Variants in SEMA6B observed in about 807,000 individuals in gnomAD.
The protein encoded by SEMA6B is semaphorin-6B.
SEMA6B carries 47 observed loss-of-function variants against 78.6 expected under a neutral mutation model. The observed-to-expected ratio is 0.60, with a 90% CI of 0.47 to 0.76. SEMA6B has a LOEUF of 0.76. Ranked by LOEUF, SEMA6B falls within the 30% of genes least tolerant of loss-of-function variation. SEMA6B has a pLI of 0.00. For synonymous variants in SEMA6B, 632 were observed against 592.2 expected (o/e 1.07, Z -0.98); for missense variants, 1,213 against 1,269.9 (o/e 0.96, Z 0.68).
intron 8 of SEMA6B, 56 bp from the exon 9 acceptor site, chr19:4,554,532 G>C (rs184965176): frequency 7.2e-7 from 1 of 1,392,780 alleles, no homozygotes; most frequent in South Asian, 1.2e-5. Flanking sequence ...GGGGTTTCTG[G>C]GGCTAAGAAC....
At position 4,558,024 on chromosome 19, in the gene SEMA6B, AC is replaced by A; in HGVS notation, c.245+1del. On this transcript the variant is annotated splice_donor_variant, in intron 3 of 16. Coordinates refer to ENST00000586582, the MANE Select transcript of SEMA6B (RefSeq NM_032108.4). LOFTEE classifies it high-confidence loss of function. This position sits in a 1 kb window ranked among gnomAD's most constrained non-coding sequence, Gnocchi z 5.1. ...AGGCCTCCTTGCTGTCCCCAGCAATACCTGTCCCCAATGAACAGCGTCCTGT... is the reference window on the plus strand; with the variant it reads ...AGGCCTCCTTGCTGTCCCCAGCAATACTGTCCCCAATGAACAGCGTCCTGT... 7.0e-7 allele frequency: 1 copy of A among 1,436,342 alleles called. No homozygotes were observed. Among genetic ancestry groups the A allele is most frequent in the Non-Finnish European group, 9.3e-7 (1 of 1,079,132 alleles). The allele number at this position is 1,436,342 out of a possible 1,614,324, so 89.0% of individuals were successfully genotyped here.
rs555644326 is a variant in SEMA6B, at chr19:4,548,038, C to A, written c.1590G>T (p.Ser530=). The A allele has an allele frequency of 2.6e-6, 4 of 1,563,880 alleles. No homozygotes were observed. In the East Asian group the frequency reaches 9.1e-5, roughly 35 times the overall value. The change falls in exon 14 of 17, where the codon TCG becomes TCT. Residue 530 remains serine (S), a synonymous_variant. Coordinates refer to ENST00000586582, the MANE Select transcript of SEMA6B (RefSeq NM_032108.4). ...RVPVARCQQY[S]GCMKNCIGSQ... ...GGGTGGACACTCACTTCATACACCC[C>A]GAGTACTGCTGGCAGCGAGCCACAG...
chr19:4,551,108 G>A (rs1418334645), intron 10 of SEMA6B, among the ~76,000 whole-genome samples, 178 bp from the exon 11 acceptor site: 1 of 151,984 alleles, frequency 6.6e-6, no homozygotes, highest in Non-Finnish European at 1.5e-5. Context: ...TAACATCTCA[G>A]ATTGGGCCAC....
Position 4,548,061 on chromosome 19 carries a change from C to T in SEMA6B, c.1567G>A (p.Val523Met). ...CCCGAGTACTGCTGGCAGCGAGCCA[C>T]AGGCACTCGGACCACGCAGCGGGGG... ...AFPRCVVRVP[V>M]ARCQQYSGCM... The change falls in exon 14 of 17, where the codon GTG becomes ATG. Residue 523 changes from valine to methionine, a missense_variant. Coordinates refer to ENST00000586582, the MANE Select transcript of SEMA6B (RefSeq NM_032108.4). The T allele has an allele frequency of 6.3e-7, 1 of 1,585,208 alleles. No individual in the cohort carries two copies. The highest frequency in any genetic ancestry group is 8.5e-7 in the Non-Finnish European group (1 of 1,170,396).
At chr19:4,551,522 A>G (rs1252845657) in intron 10 of SEMA6B, among the ~76,000 whole-genome samples, 1 of 151,454 alleles carries the variant, frequency 6.6e-6, no homozygotes, top group East Asian at 2.0e-4. Flanking sequence ...CCCAGTCCAC[A>G]AGCAGGCTTT....
At chr19:4,546,083 T>C in intron 16 of SEMA6B, 133 bp downstream of exon 16, 1 of 985,822 alleles carries the variant, frequency 1.0e-6, no homozygotes, top group South Asian at 1.7e-5. Context: ...CCCCATGCCT[T>C]TCTAAAGTTC....
At chr19:4,548,235 A>G in intron 13 of SEMA6B, 28 bp downstream of exon 13, 1 of 1,592,584 alleles carries the variant, frequency 6.3e-7, no homozygotes, top group Non-Finnish European at 8.6e-7. Flanking sequence ...CCTGCTGGCG[A>G]CCCCTTCCCA....
Position 4,542,736 on chromosome 19 carries a change from ACT to A in SEMA6B, c.*863_*864del, listed in dbSNP as rs1977047913. 1 of 691,414 alleles carries A rather than the reference ACT, an allele frequency of 1.4e-6. No individual in the cohort carries two copies. Among genetic ancestry groups the A allele is most frequent in the African/African-American group, 1.8e-5 (1 of 56,012 alleles). 42.8% of individuals were successfully genotyped at this position (691,414 alleles called of 1,614,324 possible). A position where few individuals can be genotyped will look rare whatever the true frequency, so the allele number is the denominator to read the frequency against. On this transcript the variant is annotated 3_prime_UTR_variant, in exon 17 of 17. Transcript: ENST00000586582. ...GTCACAAGGGGACGGGTGGCATGGG[ACT>A]CTCTCACCACCCTGGGGCCGTATTT...
Position 4,546,295 on chromosome 19 carries a change from C to T in SEMA6B, c.1680-21G>A, listed in dbSNP as rs144292825. On this transcript the variant is annotated intron_variant, in intron 15 of 16. Transcript: ENST00000586582. Reference sequence around the variant, plus strand: ...CGGCTCTAATGGGGAGAGGAGGCACCGTCAGCAGAGGCCCCTCTCACAGTC... The same window carrying T: ...CGGCTCTAATGGGGAGAGGAGGCACTGTCAGCAGAGGCCCCTCTCACAGTC... 5.6e-4 allele frequency: 901 copies of T among 1,612,434 alleles called. 2 individuals are homozygous for T. The Middle Eastern group carries it at 7.1e-3, about 13-fold the overall frequency.
Position 4,544,511 on chromosome 19 carries a change from A to G in SEMA6B, c.1757T>C (p.Leu586Pro). Residue 586 changes from leucine to proline, a missense_variant, in exon 17 of 17, where the codon CTC becomes CCC. Leu to Pro is a moderately conservative substitution (Grantham distance 98). Transcript: ENST00000586582. This position sits in a 1 kb window ranked among gnomAD's most constrained non-coding sequence, Gnocchi z 5.1. ...CACCAGCCCCGCGCGGTCCTCGGAGAGGCTGGCCCGCAGGAGTCCTGGCCG... is the reference window on the plus strand; with the variant it reads ...CACCAGCCCCGCGCGGTCCTCGGAGGGGCTGGCCCGCAGGAGTCCTGGCCG... ...GDCTGLLRAS[L>P]SEDRAGLVSV... 1 of 1,548,410 alleles carries G rather than the reference A, an allele frequency of 6.5e-7. No homozygotes were observed. Among genetic ancestry groups the G allele is most frequent in the African/African-American group, 1.4e-5 (1 of 70,596 alleles).
rs1977125340 is a variant in SEMA6B, at chr19:4,544,875, G to C, written c.1739-346C>G. 6.6e-6 allele frequency among the ~76,000 whole-genome samples: 1 copy of C among 151,872 alleles called. No homozygotes were observed. Among genetic ancestry groups the C allele is most frequent in the African/African-American group, 2.4e-5 (1 of 41,370 alleles). ...GTCTGAACTCCTGACCTTGTGATCC[G>C]CCCACCTCTGCCTCCCAAAGTGCTG... On this transcript the variant is annotated intron_variant, in intron 16 of 16. Coordinates refer to ENST00000586582, the MANE Select transcript of SEMA6B (RefSeq NM_032108.4). This position sits in a 1 kb window ranked among gnomAD's most constrained non-coding sequence, Gnocchi z 5.1.
intron 14 of SEMA6B, among the ~76,000 whole-genome samples, chr19:4,547,518 C>T (rs1905040092): frequency 1.3e-5 from 2 of 152,190 alleles, no homozygotes; most frequent in African/African-American, 4.8e-5. Flanking sequence ...ACATGGAGTG[C>T]AGGCGTGTGC....
intron 1 of SEMA6B, 68 bp downstream of exon 1, chr19:4,559,462 A>G (rs16992439): frequency 0.057 from 8,674 of 152,234 alleles, 317 homozygotes; most frequent in Middle Eastern, 0.098. Flanking sequence ...GTAATGACAT[A>G]GCAGCGGAAT....
Position 4,542,753 on chromosome 19 carries a change from G to T in SEMA6B, c.*848C>A. ...GGCATGGGACTCTCTCACCACCCTG[G>T]GGCCGTATTTACAGAGGGGCCCCAC... On this transcript the variant is annotated 3_prime_UTR_variant, in exon 17 of 17. Coordinates refer to ENST00000586582, the MANE Select transcript of SEMA6B (RefSeq NM_032108.4). The T allele has an allele frequency of 2.9e-6, 2 of 699,928 alleles. No individual in the cohort carries two copies. The highest frequency in any genetic ancestry group is 5.2e-6 in the Non-Finnish European group (2 of 384,222). 43.4% of individuals were successfully genotyped at this position (699,928 alleles called of 1,614,324 possible).
rs1282300284 is a variant in SEMA6B at position 4,558,430 on chromosome 19, G to A, written c.28C>T (p.Arg10Cys). The A allele has an allele frequency of 8.0e-6, 10 of 1,256,868 alleles. No homozygotes were observed. The highest frequency in any genetic ancestry group is 1.5e-5 in the African/African-American group (1 of 64,754). 77.9% of individuals were successfully genotyped at this position (1,256,868 alleles called of 1,614,324 possible). A position where few individuals can be genotyped will look rare whatever the true frequency, so the allele number is the denominator to read the frequency against. ...AGCAGCAGAAGCAGCAGGGCCGGGC[G>A]GGGAGGGGACGCTCGCGGGGTCTGC... MQTPRASPP[R>C]PALLLLLLLL... The change falls in exon 2 of 17, where the codon CGC becomes TGC. Residue 10 changes from arginine to cysteine, a missense_variant. Physicochemically the swap from Arg to Cys is radical, Grantham distance 180. Transcript: ENST00000586582. The surrounding 1 kb of genome is among the most constrained non-coding windows in gnomAD (Gnocchi z 5.1).
Position 4,556,052 on chromosome 19 carries a change from C to G in SEMA6B, c.407G>C (p.Arg136Pro), listed in dbSNP as rs774484854. Reference sequence around the variant, plus strand: ...GCACACAAAGAGCGTGGACTCGTCCCGAAGGAGCAGCACCTTTACGAAGTT... The same window carrying G: ...GCACACAAAGAGCGTGGACTCGTCCGGAAGGAGCAGCACCTTTACGAAGTT... ...CRNFVKVLLLRDESTLFVCGS... is the reference protein window; with the variant it reads ...CRNFVKVLLLPDESTLFVCGS... Residue 136 changes from arginine to proline, a missense_variant, in exon 6 of 17, where the codon CGG becomes CCG. Physicochemically the swap from Arg to Pro is moderately radical, Grantham distance 103. Transcript: ENST00000586582. The G allele has an allele frequency of 1.2e-6, 2 of 1,613,994 alleles. No homozygotes were observed. Among genetic ancestry groups the G allele is most frequent in the African/African-American group, 2.7e-5 (2 of 74,902 alleles).
In SEMA6B at chr19:4,544,070, C is replaced by A. The variant is rs1303344421; in HGVS notation, c.2198G>T (p.Arg733Leu). 2 of 1,230,490 alleles carry A rather than the reference C, an allele frequency of 1.6e-6. No individual in the cohort carries two copies. The highest frequency in any genetic ancestry group is 2.0e-6 in the Non-Finnish European group (2 of 987,028). 76.2% of individuals were successfully genotyped at this position (1,230,490 alleles called of 1,614,324 possible). Residue 733 changes from arginine to leucine, a missense_variant, in exon 17 of 17, where the codon CGC becomes CTC. Physicochemically the swap from Arg to Leu is moderately radical, Grantham distance 102. Transcript: ENST00000586582. This position sits in a 1 kb window ranked among gnomAD's most constrained non-coding sequence, Gnocchi z 5.1. ...CAGGGGGTGGCCGTGGTCCCAGGCG[C>A]GGGGGCCCAGGGCGTGGGGGTGCGG... ...PHPHPHALGP[R>L]AWDHGHPLLP...
At chr19:4,548,606 T>C (rs1977237282) in intron 12 of SEMA6B, among the ~76,000 whole-genome samples, 161 bp from the exon 13 acceptor site, 1 of 152,252 alleles carries the variant, frequency 6.6e-6, no homozygotes. Context: ...CATGCGTGAC[T>C]ACACAGGCAC....
rs1454617547 is a variant in SEMA6B, at chr19:4,543,638, T to C, written c.2630A>G (p.Tyr877Cys). The part of the protein sequence containing the change: ...PGTDLAHLLP[Y>C]GGADRTAPPV... ...GGGCGCAGTCCTGTCCGCCCCCCCA[T>C]AGGGGAGGAGGTGGGCCAAGTCTGT... The change falls in exon 17 of 17, where the codon TAT (tyrosine) becomes TGT (cysteine). Residue 877 changes from tyrosine (Y) to cysteine (C), a missense_variant. Coordinates refer to ENST00000586582, the MANE Select transcript of SEMA6B (RefSeq NM_032108.4). 1.3e-5 allele frequency: 16 copies of C among 1,229,276 alleles called. No individual in the cohort carries two copies. The highest frequency in any genetic ancestry group is 4.2e-5 in the Admixed American group (1 of 23,862). 76.1% of individuals were successfully genotyped at this position (1,229,276 alleles called of 1,614,324 possible).
Sources: allele counts gnomAD v4.1 joint callset (sites outside exome capture counted in the v4.1 genomes callset), GRCh38; gene constraint gnomAD v4.1.1; non-coding constraint Gnocchi (gnomAD v3.1); transcripts MANE v1.5; gene names NCBI Gene and HGNC (gene_info 2026-07-23, HGNC 2026-07-21).